Variants in CHKA observed in about 807,000 individuals in gnomAD.
The protein encoded by CHKA is choline kinase alpha.
CHKA carries 34 observed loss-of-function variants against 60.1 expected under a neutral mutation model. The ratio of observed to expected loss-of-function variants is 0.57; its 90% CI spans 0.43 to 0.75. The LOEUF is 0.75. Among genes scored for constraint, CHKA ranks in the 30% least tolerant of loss-of-function variants. The pLI, the probability that CHKA is intolerant of heterozygous loss-of-function variation, is 0.00. For missense variants in CHKA, 563 were observed against 561.3 expected, an observed-to-expected ratio of 1.00 and a Z score of -0.03; for synonymous variants, 217 against 223.1, an observed-to-expected ratio of 0.97 and a Z score of 0.24.
At chr11:68,075,893 AC>A (rs1272872100) in intron 3 of CHKA, among the ~76,000 whole-genome samples, 2 of 152,100 alleles carry the variant, frequency 1.3e-5, no homozygotes, top group African/African-American at 4.8e-5. Flanking sequence ...ATTCTAATTC[AC>A]CCCCTGTGAA....
Position 68,064,514 on chromosome 11 carries a change from A to G in CHKA, c.1232+11T>C, listed in dbSNP as rs140830947. 29 of 1,395,222 alleles carry G rather than the reference A, an allele frequency of 2.1e-5. 1 individual carries two copies. The African/African-American group carries it at 2.2e-4, about 11-fold the overall frequency. The allele number at this position is 1,395,222 out of a possible 1,614,324, so 86.4% of individuals were successfully genotyped here. ...AGCTATCTTTACAAATCAAAAAAGG[A>G]AAAATGTTACCTATTAACTTCAAGC... On this transcript the variant is annotated intron_variant, in intron 10 of 11. Transcript: ENST00000265689.
At position 68,096,921 on chromosome 11, in the gene CHKA, C is replaced by T. The variant is rs1226924289; in HGVS notation, c.462+98G>A. On this transcript the variant is annotated intron_variant, in intron 2 of 11. Transcript: ENST00000265689. ...ATATACTCAAATATCTTTAGTAACA[C>T]CATTAAAGTATTTAAAATCTCTTTC... 5 of 757,702 alleles carry T rather than the reference C, an allele frequency of 6.6e-6. No homozygotes were observed. The Admixed American group carries it at 1.1e-4, about 17-fold the overall frequency. The allele number at this position is 757,702 out of a possible 1,614,324, so 46.9% of individuals were successfully genotyped here.
intron 11 of CHKA, chr11:68,061,718 G>T: frequency 1.7e-6 from 1 of 572,252 alleles, no homozygotes; most frequent in South Asian, 1.5e-5. Context: ...AGCTGGCCTG[G>T]AAGTGAGGGC....
intron 8 of CHKA, 76 bp from the exon 9 acceptor site, chr11:68,065,970 A>G (rs1367045609): frequency 1.4e-5 from 15 of 1,071,346 alleles, no homozygotes; most frequent in East Asian, 4.8e-5. Flanking sequence ...CAGAAGAAAG[A>G]AAGGCTGAGT....
At chr11:68,086,755 A>C (rs948150948) in intron 2 of CHKA, among the ~76,000 whole-genome samples, 2 of 152,234 alleles carry the variant, frequency 1.3e-5, no homozygotes, top group Non-Finnish European at 2.9e-5. Context: ...TGGGAGGCCA[A>C]GATGGGCGGA....
chr11:68,100,990 C>T (rs1267068234), intron 1 of CHKA, among the ~76,000 whole-genome samples: 1 of 144,912 alleles, frequency 6.9e-6, no homozygotes, highest in African/African-American at 2.6e-5. Flanking sequence ...CTCTGTCACC[C>T]AGGCTGGAGT....
chr11:68,084,039 G>T (rs1857074777), intron 2 of CHKA, among the ~76,000 whole-genome samples: 1 of 151,838 alleles, frequency 6.6e-6, no homozygotes, highest in Non-Finnish European at 1.5e-5. Flanking sequence ...CAGGTCAGGA[G>T]CTTGAGATCA....
At chr11:68,071,157 C>T (rs1189618801) in intron 4 of CHKA, among the ~76,000 whole-genome samples, 1 of 152,184 alleles carries the variant, frequency 6.6e-6, no homozygotes, top group Non-Finnish European at 1.5e-5. Flanking sequence ...ATTATTCTGG[C>T]CTCTAAAACC....
chr11:68,108,243 A>C (rs1215471642), intron 1 of CHKA, among the ~76,000 whole-genome samples: 2 of 152,132 alleles, frequency 1.3e-5, no homozygotes, highest in Non-Finnish European at 2.9e-5. Flanking sequence ...GCTTGAGCCC[A>C]GGAATTCCAG....
chr11:68,083,797 A>C (rs1375107493), intron 2 of CHKA, among the ~76,000 whole-genome samples: 1 of 152,190 alleles, frequency 6.6e-6, no homozygotes, highest in Non-Finnish European at 1.5e-5. Context: ...GGACTTCTGC[A>C]ATATCCAGCC....
At chr11:68,110,111 A>G (rs552506107) in intron 1 of CHKA, among the ~76,000 whole-genome samples, 147 of 152,346 alleles carry the variant, frequency 9.6e-4, no homozygotes, top group African/African-American at 3.5e-3. Context: ...AATGAGGAAT[A>G]GAGAGGAACT....
chr11:68,058,286 CA>C lies in CHKA; in HGVS notation c.1314+3666del, dbSNP rs552596199. Among the ~76,000 whole-genome samples, 305 of 152,310 alleles carry C rather than the reference CA, an allele frequency of 2.0e-3. 1 individual carries two copies. Among genetic ancestry groups the C allele is most frequent in the African/African-American group, 6.6e-3 (274 of 41,562 alleles). Reference sequence around the variant, plus strand: ...AGTAGAAGTCTTCTTTGTTCTTTTACAAAATTATTTTGGTTATTCCAGACTC... The same window carrying C: ...AGTAGAAGTCTTCTTTGTTCTTTTACAAATTATTTTGGTTATTCCAGACTC... On this transcript the variant is annotated intron_variant, in intron 11 of 11. Transcript: ENST00000265689.
intron 1 of CHKA, among the ~76,000 whole-genome samples, chr11:68,115,279 G>C (rs989951178): frequency 1.3e-5 from 2 of 152,160 alleles, no homozygotes; most frequent in African/African-American, 2.4e-5. Flanking sequence ...CCCTGTTGAA[G>C]TAAGCTCATC....
chr11:68,086,404 T>C (rs867215529), intron 2 of CHKA, among the ~76,000 whole-genome samples: 9 of 152,220 alleles, frequency 5.9e-5, no homozygotes, highest in African/African-American at 1.4e-4. Context: ...TTTTGTGTTA[T>C]ATGATTTTAG....
intron 10 of CHKA, among the ~76,000 whole-genome samples, chr11:68,062,814 T>G (rs1032950332): frequency 6.6e-6 from 1 of 152,138 alleles, no homozygotes; most frequent in Non-Finnish European, 1.5e-5. Context: ...AAAGAGATGA[T>G]GTATGCTGCG....
At chr11:68,070,583 A>G in intron 5 of CHKA, 141 bp downstream of exon 5, 1 of 877,192 alleles carries the variant, frequency 1.1e-6, no homozygotes, top group Non-Finnish European at 1.8e-6. Flanking sequence ...TACTTATGAG[A>G]CAAGTATCAC....
intron 2 of CHKA, among the ~76,000 whole-genome samples, chr11:68,096,480 A>G (rs1857520101): frequency 1.3e-5 from 2 of 152,196 alleles, no homozygotes; most frequent in Admixed American, 1.3e-4. Flanking sequence ...TGGATAATTC[A>G]ATAGGTACTT....
intron 5 of CHKA, 112 bp from the exon 6 acceptor site, chr11:68,070,405 C>A (rs1297307751): frequency 5.0e-6 from 4 of 808,004 alleles, no homozygotes; most frequent in African/African-American, 3.4e-5. Flanking sequence ...AGTCACAATG[C>A]CAGTGGGACC....
At chr11:68,080,147 T>C (rs1374019172) in intron 3 of CHKA, among the ~76,000 whole-genome samples, 1 of 152,204 alleles carries the variant, frequency 6.6e-6, no homozygotes, top group Admixed American at 6.5e-5. Context: ...GGGCTTGGAA[T>C]GGTTCACAAC....
Sources: allele counts gnomAD v4.1 joint callset (sites outside exome capture counted in the v4.1 genomes callset), GRCh38; gene constraint gnomAD v4.1.1; transcripts MANE v1.5; gene names NCBI Gene and HGNC (gene_info 2026-07-23, HGNC 2026-07-21).